Variants in FBXL7 observed in about 807,000 individuals in gnomAD.
The protein encoded by FBXL7 is F-box/LRR-repeat protein 7.
FBXL7 carries 12 observed loss-of-function variants against 38.3 expected under a neutral mutation model. That is an observed-to-expected ratio of 0.31 (90% CI 0.20 to 0.51). The LOEUF is 0.51. Among genes scored for constraint, FBXL7 ranks in the 20% least tolerant of loss-of-function variants. FBXL7 has a pLI of 0.98. For missense variants in FBXL7, 567 were observed against 676.4 expected (o/e 0.84, Z 1.79); for synonymous variants, 297 against 300.9 (o/e 0.99, Z 0.13).
intron 2 of FBXL7, among the ~76,000 whole-genome samples, chr5:15,726,491 G>A (rs1307598986): frequency 7.9e-5 from 12 of 151,946 alleles, no homozygotes; most frequent in African/African-American, 2.2e-4. Flanking sequence ...TCAGGAGTTC[G>A]AGACCAGCCT....
intron 1 of FBXL7, among the ~76,000 whole-genome samples, chr5:15,600,229 T>C (rs577391260): frequency 6.6e-6 from 1 of 152,370 alleles, no homozygotes; most frequent in Non-Finnish European, 1.5e-5. Context: ...GTCAGTGGTC[T>C]CTTATCAGGA....
At chr5:15,698,126 G>A (rs1307127082) in intron 2 of FBXL7, among the ~76,000 whole-genome samples, 3 of 152,044 alleles carry the variant, frequency 2.0e-5, no homozygotes, top group African/African-American at 7.2e-5. Context: ...AGGGGAAGAG[G>A]GATAGAGGAG....
intron 2 of FBXL7, among the ~76,000 whole-genome samples, chr5:15,721,814 T>C (rs1202461795): frequency 6.6e-6 from 1 of 151,564 alleles, no homozygotes; most frequent in Non-Finnish European, 1.5e-5. Flanking sequence ...TCAGCCCAGA[T>C]AAGAATCCTT....
At chr5:15,539,782 G>A (rs1187676463) in intron 1 of FBXL7, among the ~76,000 whole-genome samples, 1 of 151,694 alleles carries the variant, frequency 6.6e-6, no homozygotes, top group African/African-American at 2.4e-5. Flanking sequence ...TTATTACAGT[G>A]GCACTCTGCG....
intron 2 of FBXL7, among the ~76,000 whole-genome samples, chr5:15,809,840 G>A (rs1171249565): frequency 6.6e-6 from 1 of 152,164 alleles, no homozygotes; most frequent in Non-Finnish European, 1.5e-5. Context: ...ATGTTAACAT[G>A]CCTGTTTGAA....
chr5:15,569,802 G>A (rs910943848), intron 1 of FBXL7, among the ~76,000 whole-genome samples: 17 of 152,302 alleles, frequency 1.1e-4, no homozygotes, highest in South Asian at 2.1e-4. Context: ...AGCATGAAGC[G>A]TTGTTGAATT....
intron 2 of FBXL7, among the ~76,000 whole-genome samples, chr5:15,761,687 G>A (rs1387404133): frequency 6.6e-6 from 1 of 152,092 alleles, no homozygotes; most frequent in Non-Finnish European, 1.5e-5. Context: ...GGGACTGTAG[G>A]TGTACTCCAC....
chr5:15,583,240 C>T (rs1266431660), intron 1 of FBXL7, among the ~76,000 whole-genome samples: 2 of 152,144 alleles, frequency 1.3e-5, no homozygotes, highest in Non-Finnish European at 2.9e-5. Flanking sequence ...CACCTCCCAG[C>T]AGGTCTCTCC....
At chr5:15,900,016 C>T (rs1371215673) in intron 2 of FBXL7, among the ~76,000 whole-genome samples, 1 of 152,082 alleles carries the variant, frequency 6.6e-6, no homozygotes, top group Non-Finnish European at 1.5e-5. Flanking sequence ...ACCTGGTAAC[C>T]ACACTATGAT....
intron 3 of FBXL7, among the ~76,000 whole-genome samples, chr5:15,930,036 A>G (rs1178360274): frequency 2.0e-5 from 3 of 152,224 alleles, no homozygotes; most frequent in Non-Finnish European, 2.9e-5. Context: ...AAAATATTTC[A>G]GATGACAGCC....
chr5:15,800,379 G>A (rs550821775), intron 2 of FBXL7, among the ~76,000 whole-genome samples: 2 of 152,228 alleles, frequency 1.3e-5, no homozygotes, highest in African/African-American at 2.4e-5. Flanking sequence ...TACTCCTATC[G>A]CACGTTCTGT....
chr5:15,856,770 C>A (rs1739284961), intron 2 of FBXL7, among the ~76,000 whole-genome samples: 1 of 151,684 alleles, frequency 6.6e-6, no homozygotes, highest in Non-Finnish European at 1.5e-5. Context: ...AAAATGTGAC[C>A]ATGATATACA....
intron 2 of FBXL7, among the ~76,000 whole-genome samples, chr5:15,815,705 T>C (rs1238473209): frequency 6.6e-6 from 1 of 152,174 alleles, no homozygotes; most frequent in Non-Finnish European, 1.5e-5. Flanking sequence ...TATATTTGCT[T>C]TAAGGGTTTT....
intron 2 of FBXL7, among the ~76,000 whole-genome samples, chr5:15,821,893 A>G (rs1738179728): frequency 6.6e-6 from 1 of 151,846 alleles, no homozygotes; most frequent in Admixed American, 6.6e-5. Context: ...CTAATCTCTA[A>G]TTTCTCAGTT....
At chr5:15,586,474 C>G (rs1172348825) in intron 1 of FBXL7, among the ~76,000 whole-genome samples, 1 of 151,754 alleles carries the variant, frequency 6.6e-6, no homozygotes, top group Non-Finnish European at 1.5e-5. Context: ...GAAGTGTTCC[C>G]TACTTTAACC....
chr5:15,801,841 C>T (rs563559517), intron 2 of FBXL7, among the ~76,000 whole-genome samples: 66 of 148,754 alleles, frequency 4.4e-4, no homozygotes, highest in Non-Finnish European at 7.6e-4. Flanking sequence ...TCGGGGGGGG[C>T]GGGGTTAGTT....
At chr5:15,856,281 T>G (rs905276407) in intron 2 of FBXL7, among the ~76,000 whole-genome samples, 1 of 152,096 alleles carries the variant, frequency 6.6e-6, no homozygotes, top group African/African-American at 2.4e-5. Context: ...ATTCAAATTA[T>G]TTCCCACCTG....
intron 1 of FBXL7, among the ~76,000 whole-genome samples, chr5:15,555,983 A>G (rs1366481378): frequency 3.8e-5 from 4 of 105,366 alleles, no homozygotes; most frequent in African/African-American, 1.5e-4. Flanking sequence ...TCATCTATCT[A>G]TCTATCTATC....
chr5:15,581,546 G>A (rs2062264608), intron 1 of FBXL7, among the ~76,000 whole-genome samples: 1 of 152,160 alleles, frequency 6.6e-6, no homozygotes, highest in South Asian at 2.1e-4. Flanking sequence ...CATAGCAATG[G>A]GGGAAAATTG....
Sources: allele counts gnomAD v4.1 joint callset (sites outside exome capture counted in the v4.1 genomes callset), GRCh38; gene constraint gnomAD v4.1.1; transcripts MANE v1.5; gene names NCBI Gene and HGNC (gene_info 2026-07-23, HGNC 2026-07-21).